Variants in SORBS2 observed in about 807,000 individuals in gnomAD.
SORBS2 encodes the protein sorbin and SH3 domain-containing protein 2.
SORBS2 carries 46 observed loss-of-function variants against 97.7 expected under a neutral mutation model. The observed-to-expected ratio is 0.47, with a 90% CI of 0.37 to 0.60. SORBS2 has a LOEUF of 0.60. Ranked by LOEUF, SORBS2 falls within the 20% of genes least tolerant of loss-of-function variation. SORBS2 has a pLI of 0.00. For missense variants in SORBS2, 1,316 were observed against 1,282.3 expected, an observed-to-expected ratio of 1.03 and a Z score of -0.40; for synonymous variants, 476 against 473.4, an observed-to-expected ratio of 1.01 and a Z score of -0.07.
intron 1 of SORBS2, among the ~76,000 whole-genome samples, chr4:185,863,334 A>G (rs2099224961): frequency 6.6e-6 from 1 of 152,212 alleles, no homozygotes; most frequent in African/African-American, 2.4e-5. Flanking sequence ...TCCTATAAGG[A>G]TATTTTAATT....
chr4:185,811,159 C>G (rs1204229196), intron 1 of SORBS2: 1 of 152,130 alleles, frequency 6.6e-6, no homozygotes, highest in Non-Finnish European at 1.5e-5. Flanking sequence ...TAAGCAAGTA[C>G]AAAATCCACT....
chr4:185,631,720 C>T (rs1428767609), intron 4 of SORBS2, among the ~76,000 whole-genome samples: 1 of 152,042 alleles, frequency 6.6e-6, no homozygotes, highest in Non-Finnish European at 1.5e-5. Flanking sequence ...CGAGATGGCG[C>T]CACTGCACTC....
chr4:185,827,186 CCATCATCAT>C (rs144601964), intron 1 of SORBS2, among the ~76,000 whole-genome samples: 1 of 49,328 alleles, frequency 2.0e-5, no homozygotes, highest in African/African-American at 5.5e-5. Flanking sequence ...ATCAGAATCA[CCATCATCAT>C]CATCATCACC....
At chr4:185,652,334 G>A (rs1013143301) in intron 2 of SORBS2, among the ~76,000 whole-genome samples, 8 of 152,204 alleles carry the variant, frequency 5.3e-5, no homozygotes. Flanking sequence ...CCTGATGAGA[G>A]CAGACAGGGG....
intron 2 of SORBS2, among the ~76,000 whole-genome samples, chr4:185,744,615 G>A (rs566680697): frequency 7.2e-5 from 11 of 152,214 alleles, no homozygotes; most frequent in Admixed American, 2.6e-4. Flanking sequence ...TAATGAGCCT[G>A]CCACATCGGA....
intron 1 of SORBS2, among the ~76,000 whole-genome samples, chr4:185,780,663 G>A (rs112149926): frequency 2.0e-5 from 3 of 152,166 alleles, no homozygotes; most frequent in African/African-American, 4.8e-5. Context: ...CATGATTTAC[G>A]CCTTTTTGCA....
intron 2 of SORBS2, among the ~76,000 whole-genome samples, chr4:185,695,897 C>T (rs1390298365): frequency 6.6e-6 from 1 of 152,202 alleles, no homozygotes; most frequent in African/African-American, 2.4e-5. Context: ...GGCTCAGAGA[C>T]TCCTCTGCCT....
chr4:185,761,502 G>A (rs559937020), intron 2 of SORBS2: 5 of 152,310 alleles, frequency 3.3e-5, no homozygotes, highest in Middle Eastern at 3.4e-3. Flanking sequence ...TGTTCAGGGC[G>A]ATGTCATTGG....
At chr4:185,603,279 C>T (rs1246619860) in intron 12 of SORBS2, among the ~76,000 whole-genome samples, 1 of 151,974 alleles carries the variant, frequency 6.6e-6, no homozygotes, top group Admixed American at 6.6e-5. Flanking sequence ...AATACCTTGG[C>T]CTTAAAAATA....
chr4:185,733,923 C>T (rs970878957), intron 2 of SORBS2, 176 bp downstream of exon 3: 3 of 152,404 alleles, frequency 2.0e-5, no homozygotes, highest in East Asian at 3.9e-4. Context: ...GGGAGTGGCA[C>T]GTACGTGAAC....
At chr4:185,843,527 A>G (rs2099212855) in intron 1 of SORBS2, among the ~76,000 whole-genome samples, 1 of 152,232 alleles carries the variant, frequency 6.6e-6, no homozygotes, top group Non-Finnish European at 1.5e-5. Flanking sequence ...ATATAGAAAA[A>G]TCAATAATTC....
rs78134075 is a variant in SORBS2 at position 185,831,708 on chromosome 4, C to T, written c.-337-56342G>A. Among the ~76,000 whole-genome samples, 1,151 of 152,302 alleles carry T rather than the reference C, an allele frequency of 7.6e-3. 3 individuals carry two copies. Among genetic ancestry groups the T allele is most frequent in the African/African-American group, 0.027 (1,122 of 41,566 alleles). ...GTAACCAAGACAGAGTCCTTTCCCT[C>T]AGGGAGCTTACAGTGGAGACTGAAG... On this transcript the variant is annotated intron_variant, in intron 1 of 20. Transcript: ENST00000284776.
At chr4:185,677,568 A>T in intron 4 of SORBS2, 1 of 1,545,372 alleles carries the variant, frequency 6.5e-7, no homozygotes, top group Non-Finnish European at 8.7e-7. Context: ...CTGGTCTAAA[A>T]TGACACCCTT....
chr4:185,905,180 G>T (rs2099250082), intron 1 of SORBS2, among the ~76,000 whole-genome samples: 1 of 152,096 alleles, frequency 6.6e-6, no homozygotes, highest in African/African-American at 2.4e-5. Flanking sequence ...TCTTACTCCA[G>T]TGGAGCAGGC....
intron 4 of SORBS2, among the ~76,000 whole-genome samples, chr4:185,636,662 T>C (rs2097009821): frequency 6.6e-6 from 1 of 151,422 alleles, no homozygotes; most frequent in South Asian, 2.1e-4. Context: ...TTTTTTTTTT[T>C]TTTTGAGATG....
At chr4:185,736,120 G>A (rs558609327) in intron 2 of SORBS2, among the ~76,000 whole-genome samples, 10 of 152,194 alleles carry the variant, frequency 6.6e-5, no homozygotes, top group Non-Finnish European at 8.8e-5. Flanking sequence ...CTCCACTGCC[G>A]CAGCGCGAGG....
chr4:185,702,034 G>C (rs1247118675), intron 2 of SORBS2, among the ~76,000 whole-genome samples: 1 of 152,176 alleles, frequency 6.6e-6, no homozygotes, highest in Non-Finnish European at 1.5e-5. Flanking sequence ...CTCCCAAAGT[G>C]CTAGGATTAC....
chr4:185,733,340 T>A (rs1458672136), intron 2 of SORBS2, among the ~76,000 whole-genome samples: 2 of 152,154 alleles, frequency 1.3e-5, no homozygotes, highest in Non-Finnish European at 2.9e-5. Context: ...AGATAACCCT[T>A]GAGTGTGATG....
At chr4:185,870,505 T>C (rs928476850) in intron 1 of SORBS2, among the ~76,000 whole-genome samples, 24 of 152,362 alleles carry the variant, frequency 1.6e-4, no homozygotes, top group African/African-American at 5.8e-4. Context: ...GTTTGAACTT[T>C]GATGACAATA....
Sources: gnomAD v4.1 joint callset for allele counts (sites outside exome capture counted in the v4.1 genomes callset) on GRCh38, gnomAD v4.1.1 for gene constraint, MANE v1.5 for transcripts, NCBI Gene and HGNC (gene_info 2026-07-23, HGNC 2026-07-21) for gene names.